The following FAT3 variants were observed in gnomAD, a reference collection of about 807,000 sequenced individuals.
FAT3 encodes FAT atypical cadherin 3.
A neutral mutation model predicts 310.2 loss-of-function variants in FAT3; 95 were observed. The ratio of observed to expected loss-of-function variants is 0.31; its 90% confidence interval spans 0.26 to 0.36. The LOEUF is 0.36. Ranked by LOEUF, FAT3 falls within the 10% of genes least tolerant of loss-of-function variation. The pLI is 1.00. For synonymous variants in FAT3, 2,314 were observed against 2,192.9 expected, an observed-to-expected ratio of 1.06 and a Z score of -1.54; for missense variants, 5,408 against 5,715.6, an observed-to-expected ratio of 0.95 and a Z score of 1.74.
chr11:92,304,937 C>A (rs1947083700), intron 1 of FAT3, among the ~76,000 whole-genome samples: 1 of 152,110 alleles, frequency 6.6e-6, no homozygotes, highest in Non-Finnish European at 1.5e-5. Context: ...ATGCTAAATT[C>A]TTTCTGAATT....
intron 13 of FAT3, among the ~76,000 whole-genome samples, chr11:92,825,719 T>C (rs1591784797): frequency 6.6e-6 from 1 of 152,116 alleles, no homozygotes; most frequent in East Asian, 1.9e-4. Flanking sequence ...TGGAAGTCAG[T>C]TACTGTCTGA....
In FAT3 at chr11:92,353,285, T is replaced by C. The variant is rs1248940261; in HGVS notation, c.1173T>C (p.Pro391=). 6.2e-7 allele frequency: 1 copy of C among 1,613,710 alleles called. No individual in the cohort carries two copies. The highest frequency in any genetic ancestry group is 1.7e-5 in the Admixed American group (1 of 59,904). The change falls in exon 2 of 28, where the codon CCT becomes CCC. Residue 391 remains proline (P), a synonymous_variant. Transcript: ENST00000525166. The part of the protein sequence containing the change: ...YDVSISEFSP[P]GVVVAIVKLS... The stretch of plus-strand genomic sequence containing the variant: ...TGAGCATAAGTGAATTTTCCCCTCC[T>C]GGTGTCGTGGTTGCTATAGTAAAAT...
chr11:92,493,374 C>G (rs557398732), intron 2 of FAT3, among the ~76,000 whole-genome samples: 7 of 152,066 alleles, frequency 4.6e-5, no homozygotes, highest in Non-Finnish European at 8.8e-5. Flanking sequence ...TGGTGGTGTT[C>G]CTGCCTTAAG....
Position 92,797,820 on chromosome 11 carries a change from G to T in FAT3, c.4823-16G>T. The T allele has an allele frequency of 1.3e-6, 2 of 1,596,488 alleles. No homozygotes were observed. Among genetic ancestry groups the T allele is most frequent in the South Asian group, 2.2e-5 (2 of 89,200 alleles). The stretch of plus-strand genomic sequence containing the variant: ...CCCACATGTAACTCATTTCACCATT[G>T]ATTTCTGTATTTTAGGGAACACTGG... On this transcript the variant is annotated splice_polypyrimidine_tract_variant and intron_variant, in intron 9 of 27. Transcript: ENST00000525166.
At chr11:92,389,345 C>T (rs1292130992) in intron 2 of FAT3, among the ~76,000 whole-genome samples, 1 of 152,098 alleles carries the variant, frequency 6.6e-6, no homozygotes, top group Non-Finnish European at 1.5e-5. Flanking sequence ...CCATAACGGA[C>T]CTAACAATGG....
chr11:92,666,754 T>C (rs1942967344), intron 3 of FAT3, among the ~76,000 whole-genome samples: 1 of 151,682 alleles, frequency 6.6e-6, no homozygotes. Context: ...AGCACTGTGG[T>C]GGGTGAAAGG....
intron 4 of FAT3, among the ~76,000 whole-genome samples, chr11:92,736,968 C>T (rs560495978): frequency 5.1e-4 from 78 of 152,182 alleles, no homozygotes; most frequent in African/African-American, 1.4e-3. Context: ...GAAGACACAA[C>T]GGAACGTGGT....
chr11:92,263,232 T>TC (rs1865629501), intron 1 of FAT3, among the ~76,000 whole-genome samples: 1 of 151,984 alleles, frequency 6.6e-6, no homozygotes. Context: ...CCATCATTTT[T>TC]TTTTTCTCGA....
At chr11:92,430,829 G>A (rs1322195043) in intron 2 of FAT3, among the ~76,000 whole-genome samples, 1 of 151,978 alleles carries the variant, frequency 6.6e-6, no homozygotes, top group African/African-American at 2.4e-5. Flanking sequence ...GTCCCTACAA[G>A]GGACATGAAC....
chr11:92,279,725 A>G (rs1036666081), intron 1 of FAT3, among the ~76,000 whole-genome samples: 1 of 152,174 alleles, frequency 6.6e-6, no homozygotes, highest in Non-Finnish European at 1.5e-5. Context: ...GCTACTTTGA[A>G]ATATGCAATA....
chr11:92,723,466 G>A (rs1385875414), intron 4 of FAT3, among the ~76,000 whole-genome samples: 3 of 152,076 alleles, frequency 2.0e-5, no homozygotes, highest in African/African-American at 7.2e-5. Flanking sequence ...ATATTTTCCT[G>A]TCTTCTTCTG....
intron 10 of FAT3, among the ~76,000 whole-genome samples, chr11:92,804,902 A>T (rs759506056): frequency 1.7e-4 from 26 of 152,172 alleles, no homozygotes; most frequent in Non-Finnish European, 3.1e-4. Context: ...TAAACAAGAG[A>T]TCATCTCCAG....
chr11:92,738,555 C>G (rs1170259448), intron 4 of FAT3, among the ~76,000 whole-genome samples: 1 of 152,178 alleles, frequency 6.6e-6, no homozygotes, highest in East Asian at 1.9e-4. Context: ...ATTGCAGGTC[C>G]TCAAGGAGTA....
At chr11:92,439,476 A>G (rs1033472862) in intron 2 of FAT3, among the ~76,000 whole-genome samples, 7 of 152,182 alleles carry the variant, frequency 4.6e-5, no homozygotes, top group African/African-American at 7.2e-5. Context: ...GCAGACATTT[A>G]ATGAATGTCT....
At chr11:92,841,999 G>T (rs1296518404) in intron 18 of FAT3, among the ~76,000 whole-genome samples, 1 of 152,132 alleles carries the variant, frequency 6.6e-6, no homozygotes. Context: ...ACAGCCCTTA[G>T]ACCAAATCCT....
At chr11:92,542,014 C>A (rs892167025) in intron 3 of FAT3, among the ~76,000 whole-genome samples, 1 of 151,898 alleles carries the variant, frequency 6.6e-6, no homozygotes, top group African/African-American at 2.4e-5. Flanking sequence ...GAATTTTGTA[C>A]CTCAGAATGA....
intron 4 of FAT3, among the ~76,000 whole-genome samples, chr11:92,710,272 C>A (rs1026637209): frequency 7.9e-5 from 12 of 152,104 alleles, no homozygotes; most frequent in African/African-American, 2.9e-4. Context: ...TTTGTTCTTG[C>A]TTTGTTTTTG....
intron 1 of FAT3, among the ~76,000 whole-genome samples, chr11:92,290,781 T>C (rs931754920): frequency 2.0e-5 from 3 of 151,220 alleles, no homozygotes; most frequent in Non-Finnish European, 4.4e-5. Flanking sequence ...AAATAATAAA[T>C]GAATAAAAAT....
At chr11:92,545,496 G>A (rs138195286) in intron 3 of FAT3, among the ~76,000 whole-genome samples, 1 of 152,250 alleles carries the variant, frequency 6.6e-6, no homozygotes, top group Non-Finnish European at 1.5e-5. Flanking sequence ...TGAATGAATA[G>A]CTAAATTAGT....
Sources: allele counts gnomAD v4.1 joint callset (sites outside exome capture counted in the v4.1 genomes callset), GRCh38; gene constraint gnomAD v4.1.1; transcripts MANE v1.5; gene names NCBI Gene and HGNC (gene_info 2026-07-23, HGNC 2026-07-21).